Variants in TMEM207 observed in about 807,000 individuals in gnomAD.
TMEM207 encodes transmembrane protein 207, also known as SRSR846.
TMEM207 carries 15 observed loss-of-function variants against 17.4 expected under a neutral mutation model. The ratio of observed to expected loss-of-function variants is 0.86; its 90% CI spans 0.58 to 1.33. The LOEUF is 1.33. TMEM207 is among the 40% of genes most tolerant of loss of function. TMEM207 has a pLI of 0.00. For missense variants in TMEM207, 205 were observed against 173.8 expected (o/e 1.18, Z -1.01); for synonymous variants, 70 against 65.6 (o/e 1.07, Z -0.33).
intron 2 of TMEM207, chr3:190,444,325 G>C (rs1033856862): frequency 1.5e-6 from 1 of 645,242 alleles, no homozygotes; most frequent in South Asian, 6.9e-5. Context: ...ATAGCTGGAA[G>C]TGGTAGAAGT....
chr3:190,445,226 C>A (rs544334923), intron 2 of TMEM207, among the ~76,000 whole-genome samples: 4 of 152,258 alleles, frequency 2.6e-5, no homozygotes, highest in South Asian at 2.1e-4. Flanking sequence ...TTTACAGAAT[C>A]TTTTATATGT....
In TMEM207 at chr3:190,449,088, G is replaced by GT. The variant is rs1393269724; in HGVS notation, c.75+646dup. Among the ~76,000 whole-genome samples, 3 of 152,286 alleles carry GT rather than the reference G, an allele frequency of 2.0e-5. No homozygotes were observed. In the East Asian group the frequency reaches 5.8e-4, roughly 29 times the overall value. On this transcript the variant is annotated intron_variant, in intron 1 of 4. Transcript: ENST00000354905. ...TATTTCACTTTCAAGTCACTTCCGT[G>GT]TTTTTTCTGTGTGTTGTACCCTAGC... is the stretch of plus-strand genomic sequence containing the variant.
chr3:190,441,250 T>C (rs1719930810), intron 3 of TMEM207, among the ~76,000 whole-genome samples, 188 bp downstream of exon 3: 1 of 152,178 alleles, frequency 6.6e-6, no homozygotes, highest in African/African-American at 2.4e-5. Context: ...AAATAGTGAG[T>C]CCTTTTGTCA....
chr3:190,444,009 G>A (rs1002776431), intron 2 of TMEM207, among the ~76,000 whole-genome samples: 155 of 152,274 alleles, frequency 1.0e-3, no homozygotes, highest in African/African-American at 3.1e-3. Flanking sequence ...TGTGCAATAC[G>A]AATGGTTAGA....
rs563937707 is a variant in TMEM207 at position 190,437,493 on chromosome 3, C to T, written c.304+2751G>A. ...ATAATATCTGAAAATCCGCAAATTA[C>T]TGCTTAGCATTTGACAGACGTAAAA... On this transcript the variant is annotated intron_variant, in intron 4 of 4. Transcript: ENST00000354905. 2.0e-4 allele frequency among the ~76,000 whole-genome samples: 30 copies of T among 152,304 alleles called. No individual in the cohort carries two copies. In the South Asian group the frequency reaches 6.0e-3, roughly 31 times the overall value.
intron 4 of TMEM207, among the ~76,000 whole-genome samples, chr3:190,435,995 A>C (rs560159394): frequency 6.6e-6 from 1 of 152,252 alleles, no homozygotes; most frequent in South Asian, 2.1e-4. Context: ...GAAATTCTCT[A>C]TTTTATGTAT....
At chr3:190,439,842 C>T (rs1365918703) in intron 4 of TMEM207, among the ~76,000 whole-genome samples, 1 of 152,106 alleles carries the variant, frequency 6.6e-6, no homozygotes, top group Non-Finnish European at 1.5e-5. Context: ...CAGATGAGTT[C>T]AGTAAAGCAT....
intron 4 of TMEM207, among the ~76,000 whole-genome samples, chr3:190,436,419 C>G (rs182355976): frequency 9.1e-4 from 138 of 152,306 alleles, no homozygotes; most frequent in African/African-American, 3.2e-3. Context: ...TTTTCTCTTT[C>G]TCTTCTGAAC....
intron 4 of TMEM207, among the ~76,000 whole-genome samples, chr3:190,432,261 T>G (rs1719707347): frequency 6.6e-6 from 1 of 152,236 alleles, no homozygotes; most frequent in Non-Finnish European, 1.5e-5. Context: ...TCTACCTGTT[T>G]CTTCTCTTTC....
intron 4 of TMEM207, among the ~76,000 whole-genome samples, chr3:190,437,799 G>GT (rs1719835978): frequency 6.6e-6 from 1 of 151,614 alleles, no homozygotes; most frequent in Non-Finnish European, 1.5e-5. Flanking sequence ...ACATGCACAC[G>GT]TATGTTTATT....
chr3:190,436,087 A>C (rs920325090), intron 4 of TMEM207, among the ~76,000 whole-genome samples: 1 of 152,224 alleles, frequency 6.6e-6, no homozygotes, highest in Non-Finnish European at 1.5e-5. Context: ...GGCAGCTTCC[A>C]GGAGATCCTG....
In TMEM207 at chr3:190,429,553, C is replaced by G. The variant is rs753994279; in HGVS notation, c.*42G>C. The G allele has an allele frequency of 3.1e-6, 5 of 1,605,976 alleles. No individual in the cohort carries two copies. The highest frequency in any genetic ancestry group is 8.5e-7 in the Non-Finnish European group (1 of 1,174,434). ...TCCTAAATTTGATGTTTTGGAATTA[C>G]AGATGTCGTTAATACTTTAAATTGA... On this transcript the variant is annotated 3_prime_UTR_variant, in exon 5 of 5. Coordinates refer to ENST00000354905, the MANE Select transcript of TMEM207 (RefSeq NM_207316.3).
intron 2 of TMEM207, among the ~76,000 whole-genome samples, chr3:190,443,229 T>C (rs1719973104): frequency 6.6e-6 from 1 of 152,010 alleles, no homozygotes; most frequent in Non-Finnish European, 1.5e-5. Context: ...TATGGATTAT[T>C]TCATCTTCCT....
rs554665377 is a variant in TMEM207 at position 190,437,174 on chromosome 3, T to C, written c.304+3070A>G. On this transcript the variant is annotated intron_variant, in intron 4 of 4. Coordinates refer to ENST00000354905, the MANE Select transcript of TMEM207 (RefSeq NM_207316.3). ...TTGGGGTGAAAGAATAGAGTGAGGA[T>C]GGGCATGAAGATCCTGGAGCACAAG... 2.0e-5 allele frequency among the ~76,000 whole-genome samples: 3 copies of C among 152,172 alleles called. No individual in the cohort carries two copies. In the Admixed American group the frequency reaches 2.0e-4, roughly 10 times the overall value.
At chr3:190,436,505 T>A (rs1179300808) in intron 4 of TMEM207, among the ~76,000 whole-genome samples, 1 of 152,246 alleles carries the variant, frequency 6.6e-6, no homozygotes. Flanking sequence ...GCAGCTGGAC[T>A]CAGTTCTCCG....
At chr3:190,434,739 G>T (rs1719764640) in intron 4 of TMEM207, among the ~76,000 whole-genome samples, 1 of 152,226 alleles carries the variant, frequency 6.6e-6, no homozygotes, top group South Asian at 2.1e-4. Context: ...CGGCATGGAT[G>T]ATGCCATTTG....
chr3:190,431,716 T>C (rs1719695246), intron 4 of TMEM207, among the ~76,000 whole-genome samples: 1 of 152,144 alleles, frequency 6.6e-6, no homozygotes, highest in South Asian at 2.1e-4. Context: ...TGCCTAGAAA[T>C]GGTCAACCAA....
chr3:190,438,315 G>A (rs1245496602), intron 4 of TMEM207, among the ~76,000 whole-genome samples: 2 of 137,640 alleles, frequency 1.5e-5, no homozygotes. Context: ...TTTTTTGCCT[G>A]TTCTGAATGA....
chr3:190,431,973 T>C (rs1296614461), intron 4 of TMEM207, among the ~76,000 whole-genome samples: 1 of 152,176 alleles, frequency 6.6e-6, no homozygotes, highest in Non-Finnish European at 1.5e-5. Flanking sequence ...CAGTTTTCAA[T>C]TTTTTTCAAA....
Sources: allele counts gnomAD v4.1 joint callset (sites outside exome capture counted in the v4.1 genomes callset), GRCh38; gene constraint gnomAD v4.1.1; transcripts MANE v1.5; gene names NCBI Gene and HGNC (gene_info 2026-07-23, HGNC 2026-07-21).